Variants in PPP2R2B observed in about 807,000 individuals in gnomAD.
PPP2R2B encodes the protein serine/threonine-protein phosphatase 2A 55 kDa regulatory subunit B beta isoform.
PPP2R2B carries 5 observed loss-of-function variants against 46.0 expected under a neutral mutation model. The observed-to-expected ratio is 0.11, with a 90% CI of 0.06 to 0.23. The LOEUF (loss-of-function observed/expected upper bound fraction) is 0.23, where lower values mean the gene tolerates loss of function less well. Among genes scored for constraint, PPP2R2B ranks in the 10% least tolerant of loss-of-function variants. PPP2R2B has a pLI of 1.00. For missense variants in PPP2R2B, 367 were observed against 575.0 expected (o/e 0.64, Z 3.70); for synonymous variants, 215 against 206.7 (o/e 1.04, Z -0.34).
At chr5:146,986,267 T>C (rs1016233389) in intron 1 of PPP2R2B, among the ~76,000 whole-genome samples, 2 of 152,116 alleles carry the variant, frequency 1.3e-5, no homozygotes, top group Admixed American at 6.5e-5. Context: ...TAGTACCAAC[T>C]TGCCACAGAA....
intron 1 of PPP2R2B, among the ~76,000 whole-genome samples, chr5:146,920,028 G>A (rs575490072): frequency 6.6e-6 from 1 of 152,178 alleles, no homozygotes; most frequent in South Asian, 2.1e-4. Flanking sequence ...ACAAATATAA[G>A]TAATTACCAA....
intron 2 of PPP2R2B, among the ~76,000 whole-genome samples, chr5:146,728,161 T>C (rs892344147): frequency 3.4e-5 from 5 of 149,036 alleles, no homozygotes; most frequent in African/African-American, 1.3e-4. Flanking sequence ...TTTTTTTTTT[T>C]TCAGATGCAA....
At chr5:146,873,985 C>T (rs1438263057) in intron 2 of PPP2R2B, among the ~76,000 whole-genome samples, 1 of 152,130 alleles carries the variant, frequency 6.6e-6, no homozygotes, top group Non-Finnish European at 1.5e-5. Context: ...GGCTTTTGTA[C>T]CTATTGTCCC....
chr5:146,982,457 T>C (rs1753221185), intron 1 of PPP2R2B, among the ~76,000 whole-genome samples: 1 of 152,316 alleles, frequency 6.6e-6, no homozygotes, highest in African/African-American at 2.4e-5. Flanking sequence ...TGATTTATAG[T>C]CCAGGTTATG....
chr5:146,985,228 C>T (rs1254014630), intron 1 of PPP2R2B, among the ~76,000 whole-genome samples: 1 of 151,858 alleles, frequency 6.6e-6, no homozygotes, highest in Non-Finnish European at 1.5e-5. Flanking sequence ...ACCATATGGG[C>T]CAGGCTGGTC....
intron 2 of PPP2R2B, among the ~76,000 whole-genome samples, chr5:146,864,376 C>A: frequency 9.2e-6 from 1 of 109,198 alleles, no homozygotes; most frequent in African/African-American, 3.6e-5. Context: ...AAATTTCATT[C>A]AACCACACAT....
At position 146,874,541 on chromosome 5, in the gene PPP2R2B, A is replaced by G. The variant is rs140090438; in HGVS notation, c.70+3461T>C. Reference sequence around the variant, plus strand: ...GTGCTTGAGTGCTTTCTCTGCATCAAATAATTTTTCTTTGGCATAGGTTCT... The same window carrying G: ...GTGCTTGAGTGCTTTCTCTGCATCAGATAATTTTTCTTTGGCATAGGTTCT... On this transcript the variant is annotated intron_variant, in intron 2 of 9. Coordinates refer to ENST00000394411, the MANE Select transcript of PPP2R2B (RefSeq NM_181675.4). 3.7e-3 allele frequency among the ~76,000 whole-genome samples: 566 copies of G among 152,318 alleles called. 1 individual carries two copies. Among genetic ancestry groups the G allele is most frequent in the African/African-American group, 0.013 (538 of 41,566 alleles).
intron 7 of PPP2R2B, among the ~76,000 whole-genome samples, chr5:146,615,514 T>TAAAAAAAAAAAAAAAAAAAAAA (rs1561772287): frequency 1.2e-5 from 1 of 83,248 alleles, no homozygotes; most frequent in African/African-American, 6.4e-5. Flanking sequence ...AAAAAAAAAA[T>TAAAAAAAAAAAAAAAAAAAAAA]TAAAAAAAAA....
intron 2 of PPP2R2B, 135 bp downstream of exon 2, chr5:146,877,867 G>C: frequency 9.5e-7 from 1 of 1,052,946 alleles, no homozygotes; most frequent in Non-Finnish European, 1.3e-6. Context: ...GGGGCTGCCG[G>C]GGCCAGCCGA....
At chr5:146,783,879 C>T (rs1026979569) in intron 2 of PPP2R2B, among the ~76,000 whole-genome samples, 2 of 152,286 alleles carry the variant, frequency 1.3e-5, no homozygotes, top group Middle Eastern at 3.4e-3. Flanking sequence ...GTGCTTCTGC[C>T]TCGGAGAATG....
At chr5:146,773,890 T>C (rs1397943090) in intron 2 of PPP2R2B, among the ~76,000 whole-genome samples, 1 of 152,306 alleles carries the variant, frequency 6.6e-6, no homozygotes, top group African/African-American at 2.4e-5. Flanking sequence ...ACAGCCTACC[T>C]TCACAGACCA....
At chr5:146,996,107 G>A (rs1329881674) in intron 1 of PPP2R2B, among the ~76,000 whole-genome samples, 1 of 152,164 alleles carries the variant, frequency 6.6e-6, no homozygotes, top group African/African-American at 2.4e-5. Flanking sequence ...ACAGTAGGAT[G>A]TGTGTACAGG....
At chr5:146,746,143 C>T (rs1052107101) in intron 2 of PPP2R2B, among the ~76,000 whole-genome samples, 3 of 152,220 alleles carry the variant, frequency 2.0e-5, no homozygotes, top group South Asian at 2.1e-4. Context: ...GGCCATGCAG[C>T]GTGTTAATCA....
At chr5:146,788,551 C>A (rs1041780189) in intron 2 of PPP2R2B, among the ~76,000 whole-genome samples, 2 of 152,042 alleles carry the variant, frequency 1.3e-5, no homozygotes, top group African/African-American at 4.8e-5. Context: ...GCCAACAAGA[C>A]GAAACCCCGT....
chr5:146,990,857 T>C (rs1370068206), intron 1 of PPP2R2B, among the ~76,000 whole-genome samples: 1 of 151,660 alleles, frequency 6.6e-6, no homozygotes, highest in Non-Finnish European at 1.5e-5. Context: ...AATGATTCAA[T>C]AGCAAAAAAA....
chr5:146,663,989 G>A (rs1303941998), intron 5 of PPP2R2B, among the ~76,000 whole-genome samples: 2 of 151,958 alleles, frequency 1.3e-5, no homozygotes, highest in Non-Finnish European at 2.9e-5. Context: ...TTACAGGCAC[G>A]TGCCACCACG....
chr5:146,787,804 G>A (rs2151290590), intron 2 of PPP2R2B, among the ~76,000 whole-genome samples: 1 of 152,224 alleles, frequency 6.6e-6, no homozygotes, highest in Non-Finnish European at 1.5e-5. Context: ...CTGACCTCAG[G>A]TGATCCACCC....
chr5:146,855,123 T>A (rs916847810), intron 2 of PPP2R2B, among the ~76,000 whole-genome samples: 14 of 151,984 alleles, frequency 9.2e-5, no homozygotes, highest in African/African-American at 3.4e-4. Context: ...AAACCCCCAA[T>A]CAATATTATA....
chr5:147,074,875 A>AGAGG (rs1162320743), intron 2 of PPP2R2B, among the ~76,000 whole-genome samples: 1 of 152,114 alleles, frequency 6.6e-6, no homozygotes, highest in Non-Finnish European at 1.5e-5. Flanking sequence ...TGATCTTTTC[A>AGAGG]GAGGGAGGGA....
Sources: gnomAD v4.1 joint callset for allele counts (sites outside exome capture counted in the v4.1 genomes callset) on GRCh38, gnomAD v4.1.1 for gene constraint, MANE v1.5 for transcripts, NCBI Gene and HGNC (gene_info 2026-07-23, HGNC 2026-07-21) for gene names.